SLC13A3: variants seen among roughly 807,000 people sequenced by gnomAD.
The protein encoded by SLC13A3 is solute carrier family 13 member 3.
Under a neutral mutation model 59.0 loss-of-function variants are expected in SLC13A3, and 40 were observed. The ratio of observed to expected loss-of-function variants is 0.68; its 90% CI spans 0.53 to 0.88. The LOEUF is 0.88. SLC13A3 is among the 40% of genes least tolerant of loss of function. The pLI, the probability that SLC13A3 is intolerant of heterozygous loss-of-function variation, is 0.00. For missense variants in SLC13A3, 699 were observed against 783.2 expected (o/e 0.89, Z 1.28); for synonymous variants, 317 against 330.3 (o/e 0.96, Z 0.44).
intron 9 of SLC13A3, among the ~76,000 whole-genome samples, chr20:46,576,836 C>T (rs1250015591): frequency 6.6e-6 from 1 of 152,172 alleles, no homozygotes; most frequent in Admixed American, 6.5e-5. Flanking sequence ...AAACGTTACA[C>T]AGTGGTCTAC....
At chr20:46,634,977 C>T (rs962378163) in intron 1 of SLC13A3, among the ~76,000 whole-genome samples, 11 of 152,132 alleles carry the variant, frequency 7.2e-5, no homozygotes, top group Non-Finnish European at 1.0e-4. Context: ...TAATGGGAGG[C>T]CTTTCTCCAG....
chr20:46,592,158 G>T (rs117563623), intron 6 of SLC13A3, among the ~76,000 whole-genome samples: 2,226 of 152,276 alleles, frequency 0.015, 20 homozygotes, highest in Middle Eastern at 0.037. Context: ...GCTGCAATGT[G>T]CTATGATCGC....
At chr20:46,633,878 C>T (rs528101878) in intron 1 of SLC13A3, among the ~76,000 whole-genome samples, 6 of 152,342 alleles carry the variant, frequency 3.9e-5, no homozygotes, top group African/African-American at 1.4e-4. Flanking sequence ...GGTGCATTAG[C>T]TCGCCTGTGT....
At chr20:46,640,527 C>A (rs1354035217) in intron 1 of SLC13A3, among the ~76,000 whole-genome samples, 3 of 152,108 alleles carry the variant, frequency 2.0e-5, no homozygotes, top group Non-Finnish European at 4.4e-5. Context: ...AGAGTCTGGA[C>A]TCTCTGCAGA....
At chr20:46,642,072 A>G (rs1217126563) in intron 1 of SLC13A3, among the ~76,000 whole-genome samples, 1 of 152,152 alleles carries the variant, frequency 6.6e-6, no homozygotes, top group Non-Finnish European at 1.5e-5. Context: ...GTTTCCTCTT[A>G]TTCCCTCTGC....
chr20:46,592,551 G>T, intron 5 of SLC13A3, 22 bp from the exon 6 acceptor site: 1 of 1,612,644 alleles, frequency 6.2e-7, no homozygotes, highest in South Asian at 1.1e-5. Flanking sequence ...CGGGAGATGA[G>T]AACAGGCCAA....
chr20:46,594,263 T>C (rs758242358), intron 5 of SLC13A3, among the ~76,000 whole-genome samples: 1 of 150,064 alleles, frequency 6.7e-6, no homozygotes, highest in Admixed American at 6.7e-5. Flanking sequence ...TATTACATAC[T>C]TAAACATACA....
intron 1 of SLC13A3, among the ~76,000 whole-genome samples, chr20:46,682,883 GTCAAGGGAT>G: frequency 6.6e-6 from 1 of 152,272 alleles, no homozygotes; most frequent in East Asian, 1.9e-4. Flanking sequence ...CCCGGTGGAC[GTCAAGGGAT>G]CTGAAAGTGC....
At chr20:46,600,087 G>T in intron 3 of SLC13A3, 50 bp from the exon 4 acceptor site, 1 of 1,396,050 alleles carries the variant, frequency 7.2e-7, no homozygotes, top group Non-Finnish European at 9.7e-7. Context: ...GAATGGAACA[G>T]GAGTGTCCCA....
chr20:46,651,494 G>C, upstream of SLC13A3: 5 of 1,351,558 alleles, frequency 3.7e-6, no homozygotes, highest in Non-Finnish European at 2.8e-6. Flanking sequence ...TTAAAGCCTG[G>C]GGGAGGGTCG....
At chr20:46,665,682 A>G (rs1228390719) in intron 1 of SLC13A3, among the ~76,000 whole-genome samples, 1 of 152,234 alleles carries the variant, frequency 6.6e-6, no homozygotes, top group Non-Finnish European at 1.5e-5. Flanking sequence ...CTTTCTGGCT[A>G]TTATGAATAA....
intron 1 of SLC13A3, among the ~76,000 whole-genome samples, chr20:46,617,571 T>C (rs1331424721): frequency 6.0e-5 from 9 of 151,048 alleles, no homozygotes; most frequent in Admixed American, 4.6e-4. Context: ...TGTTGAACAA[T>C]TGGCTCTCTG....
chr20:46,593,625 T>G (rs183042303), intron 5 of SLC13A3, among the ~76,000 whole-genome samples: 1 of 152,306 alleles, frequency 6.6e-6, no homozygotes, highest in East Asian at 1.9e-4. Context: ...TATTAAAATA[T>G]CAGCAAGTGT....
At chr20:46,585,006 T>C in intron 8 of SLC13A3, 1 of 385,382 alleles carries the variant, frequency 2.6e-6, no homozygotes, top group Non-Finnish European at 3.6e-6. Context: ...GTAAATTTTA[T>C]TTTGAAAGTT....
chr20:46,672,013 G>T (rs1271243106), upstream of SLC13A3, among the ~76,000 whole-genome samples: 1 of 152,200 alleles, frequency 6.6e-6, no homozygotes, highest in Admixed American at 6.5e-5. Flanking sequence ...CAAACAGAGG[G>T]TCACAGTGTC....
At chr20:46,670,341 C>A (rs1045072306), upstream of SLC13A3, among the ~76,000 whole-genome samples, 1 of 152,136 alleles carries the variant, frequency 6.6e-6, no homozygotes, top group Admixed American at 6.5e-5. Context: ...CAGCAGCCAT[C>A]GTTGATCAGG....
chr20:46,585,582 A>G, intron 8 of SLC13A3: 4 of 1,127,134 alleles, frequency 3.5e-6, no homozygotes, highest in Non-Finnish European at 4.4e-6. Context: ...AAGTCTTGAC[A>G]AATGTATGCA....
At chr20:46,621,364 C>A (rs1481431637) in intron 1 of SLC13A3, among the ~76,000 whole-genome samples, 1 of 152,144 alleles carries the variant, frequency 6.6e-6, no homozygotes. Context: ...TTAAAGAGCA[C>A]CCATTTTTCT....
At chr20:46,615,046 CAT>C (rs1300877613) in intron 1 of SLC13A3, among the ~76,000 whole-genome samples, 6 of 152,128 alleles carry the variant, frequency 3.9e-5, no homozygotes, top group Non-Finnish European at 8.8e-5. Context: ...CACCTGTTCT[CAT>C]AATGAGAGTG....
Sources: allele counts gnomAD v4.1 joint callset (sites outside exome capture counted in the v4.1 genomes callset), GRCh38; gene constraint gnomAD v4.1.1; transcripts MANE v1.5; gene names NCBI Gene and HGNC (gene_info 2026-07-23, HGNC 2026-07-21).